The following MTR variants were observed in gnomAD, a reference collection of about 807,000 sequenced individuals.
MTR encodes the protein 5-methyltetrahydrofolate-homocysteine methyltransferase, also known as methionine synthase.
In MTR, 84 loss-of-function variants were observed where a neutral mutation model predicts 154.8. That is an observed-to-expected ratio of 0.54 (90% CI 0.45 to 0.65). The LOEUF is 0.65. Ranked by LOEUF, MTR falls within the 30% of genes least tolerant of loss-of-function variation. The pLI is 0.00. For synonymous variants in MTR, 554 were observed against 553.9 expected, an observed-to-expected ratio of 1.00 and a Z score of 0.00; for missense variants, 1,275 against 1,570.2, an observed-to-expected ratio of 0.81 and a Z score of 3.18.
chr1:236,850,941 G>A lies in MTR; in HGVS notation c.1695+418G>A, dbSNP rs141308513. ...AAAATAGAGCATAGCTAGCGCCCCCGTCTGTCTCTCCTTTTCCAGTTACAC... is the reference window on the plus strand; with the variant it reads ...AAAATAGAGCATAGCTAGCGCCCCCATCTGTCTCTCCTTTTCCAGTTACAC... On this transcript the variant is annotated intron_variant, in intron 16 of 32. Transcript: ENST00000366577. Among the ~76,000 whole-genome samples, 1,454 of 152,212 alleles carry A rather than the reference G, an allele frequency of 9.6e-3. 78 individuals are homozygous for A. The highest frequency in any genetic ancestry group is 0.086 in the Admixed American group (1,320 of 15,286).
intron 28 of MTR, among the ~76,000 whole-genome samples, chr1:236,890,153 G>T (rs572836564): frequency 1.4e-5 from 2 of 144,904 alleles, no homozygotes; most frequent in African/African-American, 2.4e-5. Flanking sequence ...CCCACGGGGG[G>T]GCGTGCCTGG....
Position 236,895,495 on chromosome 1 carries a change from C to G in MTR, c.3543C>G (p.Pro1181=), listed in dbSNP as rs112277317. Reference sequence around the variant, plus strand: ...CGGCTCCTGGCTACCCCAGCCAGCCCGACCACACCGAGAAGCTCACCATGT... The same window carrying G: ...CGGCTCCTGGCTACCCCAGCCAGCCGGACCACACCGAGAAGCTCACCATGT... ...IRPAPGYPSQ[P]DHTEKLTMWR... Residue 1181 remains proline (P), a synonymous_variant, in exon 31 of 33, where the codon CCC becomes CCG. Transcript: ENST00000366577. 6.3e-7 allele frequency: 1 copy of G among 1,594,616 alleles called. No individual in the cohort carries two copies. Among genetic ancestry groups the G allele is most frequent in the Non-Finnish European group, 8.5e-7 (1 of 1,170,084 alleles).
At chr1:236,828,078 C>T (rs1346955557) in intron 11 of MTR, among the ~76,000 whole-genome samples, 2 of 151,982 alleles carry the variant, frequency 1.3e-5, no homozygotes, top group African/African-American at 2.4e-5. Flanking sequence ...CCCAGGTTCA[C>T]GCCATTCTCC....
At position 236,795,354 on chromosome 1, in the gene MTR, G is replaced by C. The variant is rs761238003; in HGVS notation, c.-350G>C. On this transcript the variant is annotated 5_prime_UTR_variant, in exon 1 of 33. Coordinates refer to ENST00000366577, the MANE Select transcript of MTR (RefSeq NM_000254.3). The stretch of plus-strand genomic sequence containing the variant: ...GGGGCTCAGAGCCGGATGTCACGTC[G>C]TCCTCCTCTGCCGGTTTTCTCTTGG... 7.4e-7 allele frequency: 1 copy of C among 1,343,108 alleles called. No individual in the cohort carries two copies. Among genetic ancestry groups the C allele is most frequent in the South Asian group, 1.3e-5 (1 of 79,902 alleles). 83.2% of individuals were successfully genotyped at this position (1,343,108 alleles called of 1,614,324 possible). A position where few individuals can be genotyped will look rare whatever the true frequency, so the allele number is the denominator to read the frequency against.
intron 24 of MTR, among the ~76,000 whole-genome samples, chr1:236,876,781 A>G (rs527640103): frequency 8.9e-4 from 135 of 152,330 alleles, no homozygotes; most frequent in African/African-American, 3.0e-3. Flanking sequence ...TAGCTTGCTA[A>G]TGATTCTTAG....
chr1:236,827,100 A>G (rs957822523), intron 11 of MTR, among the ~76,000 whole-genome samples: 5 of 152,210 alleles, frequency 3.3e-5, no homozygotes, highest in African/African-American at 1.2e-4. Context: ...ATACAGGTGT[A>G]CCTAATCCAA....
chr1:236,853,144 C>T, intron 18 of MTR, 56 bp downstream of exon 18: 1 of 1,548,070 alleles, frequency 6.5e-7, no homozygotes, highest in Non-Finnish European at 8.9e-7. Context: ...ATGTATTACT[C>T]ACCTACAGTT....
rs1472658120 is a variant in MTR, at chr1:236,902,588, C to T, written c.*4944C>T. ...GTAAAGCCTCATGAGGGCAGGGGCC[C>T]TGCCTCTTCCTGAGCTCAGGATACC... On this transcript the variant is annotated 3_prime_UTR_variant, in exon 33 of 33. Coordinates refer to ENST00000366577, the MANE Select transcript of MTR (RefSeq NM_000254.3). 7.1e-6 allele frequency: 1 copy of T among 141,138 alleles called. No homozygotes were observed. The highest frequency in any genetic ancestry group is 2.2e-4 in the South Asian group (1 of 4,456). The allele number at this position is 141,138 out of a possible 1,614,324, so 8.7% of individuals were successfully genotyped here.
Position 236,897,543 on chromosome 1 carries a change from T to A in MTR, c.3712-15T>A. Reference sequence around the variant, plus strand: ...TATCATGTTGGTTTAATAAAATGCTTCTCATCTTTTGCAGGTTGAGGATTA... The same window carrying A: ...TATCATGTTGGTTTAATAAAATGCTACTCATCTTTTGCAGGTTGAGGATTA... On this transcript the variant is annotated splice_polypyrimidine_tract_variant and intron_variant, in intron 32 of 32. Transcript: ENST00000366577. 6.2e-7 allele frequency: 1 copy of A among 1,610,578 alleles called. No homozygotes were observed. Among genetic ancestry groups the A allele is most frequent in the East Asian group, 2.2e-5 (1 of 44,860 alleles).
rs529563065 is a variant in MTR at position 236,897,316 on chromosome 1, A to G, written c.3711+198A>G. 0.033 allele frequency among the ~76,000 whole-genome samples: 2,811 copies of G among 85,624 alleles called. 96 individuals carry two copies. The highest frequency in any genetic ancestry group is 0.11 in the African/African-American group (2,453 of 22,208). The allele number at this position is 85,624 out of a possible 152,430, so 56.2% of individuals were successfully genotyped here. ...ACATGCAAGCCACACACACGCACAC[A>G]CACACACACACACACACACACACAC... is the stretch of plus-strand genomic sequence containing the variant. On this transcript the variant is annotated intron_variant, in intron 32 of 32. Transcript: ENST00000366577.
intron 18 of MTR, among the ~76,000 whole-genome samples, chr1:236,856,867 T>C (rs1257980790): frequency 6.6e-6 from 1 of 152,204 alleles, no homozygotes; most frequent in Non-Finnish European, 1.5e-5. Context: ...GAACTCATCC[T>C]TTTTTATGGC....
At chr1:236,808,028 C>G (rs1404033742) in intron 3 of MTR, among the ~76,000 whole-genome samples, 7 of 152,144 alleles carry the variant, frequency 4.6e-5, no homozygotes, top group African/African-American at 1.7e-4. Flanking sequence ...TGTGGTTATT[C>G]AAGACACATA....
At chr1:236,877,996 CTTT>C (rs1350471492) in intron 24 of MTR, among the ~76,000 whole-genome samples, 1 of 152,086 alleles carries the variant, frequency 6.6e-6, no homozygotes, top group Non-Finnish European at 1.5e-5. Context: ...TTTGGATATG[CTTT>C]TTAAATATTT....
rs1255325612 is a variant in MTR, at chr1:236,886,272, TTTTC to T, written c.2776-16_2776-13del. On this transcript the variant is annotated splice_polypyrimidine_tract_variant and intron_variant, in intron 26 of 32. Coordinates refer to ENST00000366577, the MANE Select transcript of MTR (RefSeq NM_000254.3). ...GAAAAGCTAAGAGTGTCTAACTAAT[TTTTC>T]TTTGTTTTTTAACAGGAGAGGAGAT... 6.2e-7 allele frequency: 1 copy of T among 1,610,336 alleles called. No homozygotes were observed. Among genetic ancestry groups the T allele is most frequent in the Admixed American group, 1.7e-5 (1 of 60,022 alleles).
intron 8 of MTR, among the ~76,000 whole-genome samples, chr1:236,822,701 G>A (rs1662041228): frequency 6.6e-6 from 1 of 152,168 alleles, no homozygotes; most frequent in African/African-American, 2.4e-5. Context: ...TGAAACCTTG[G>A]TATAATTGCT....
At position 236,859,714 on chromosome 1, in the gene MTR, G is replaced by A. The variant is rs1572277849; in HGVS notation, c.1954-119G>A. On this transcript the variant is annotated intron_variant, in intron 18 of 32. Coordinates refer to ENST00000366577, the MANE Select transcript of MTR (RefSeq NM_000254.3). ...ATTTTATGCTGGACAGTCTACTAGG[G>A]GCTGGAAAAGTAAAAGAAGAATAAG... The A allele has an allele frequency of 6.5e-6, 5 of 769,170 alleles. No homozygotes were observed. In the East Asian group the frequency reaches 1.3e-4, roughly 20 times the overall value. The allele number at this position is 769,170 out of a possible 1,614,324, so 47.6% of individuals were successfully genotyped here. A position where few individuals can be genotyped will look rare whatever the true frequency, so the allele number is the denominator to read the frequency against.
intron 19 of MTR, 125 bp downstream of exon 19, chr1:236,860,047 TC>T (rs1664432027): frequency 2.0e-6 from 1 of 488,512 alleles, no homozygotes. Context: ...CCTGGGGAGG[TC>T]CCTCTTGCTG....
intron 8 of MTR, among the ~76,000 whole-genome samples, chr1:236,822,541 C>T (rs1662028390): frequency 1.3e-5 from 2 of 152,180 alleles, no homozygotes; most frequent in South Asian, 4.1e-4. Context: ...AACTCCTGGG[C>T]TCAGGTGATC....
At chr1:236,806,013 A>C (rs190010239) in intron 2 of MTR, 131 bp from the exon 3 acceptor site, 1 of 768,662 alleles carries the variant, frequency 1.3e-6, no homozygotes, top group Admixed American at 2.0e-5. Flanking sequence ...CTACCTTCTA[A>C]TGCAGTGCCT....
Sources: gnomAD v4.1 joint callset for allele counts (sites outside exome capture counted in the v4.1 genomes callset) on GRCh38, gnomAD v4.1.1 for gene constraint, MANE v1.5 for transcripts, NCBI Gene and HGNC (gene_info 2026-07-23, HGNC 2026-07-21) for gene names.